Variants in LSAMP observed in about 807,000 individuals in gnomAD.
The protein encoded by LSAMP is limbic system-associated membrane protein.
Under a neutral mutation model 38.6 loss-of-function variants are expected in LSAMP, and 7 were observed. That is an observed-to-expected ratio of 0.18 (90% CI 0.10 to 0.34). The LOEUF is 0.34. LSAMP is among the 10% of genes least tolerant of loss of function. LSAMP has a pLI of 1.00. For missense variants in LSAMP, 313 were observed against 420.0 expected, an observed-to-expected ratio of 0.75 and a Z score of 2.23; for synonymous variants, 154 against 166.8, an observed-to-expected ratio of 0.92 and a Z score of 0.59.
chr3:116,291,054 C>T (rs1254307361), intron 1 of LSAMP, among the ~76,000 whole-genome samples: 2 of 152,152 alleles, frequency 1.3e-5, no homozygotes, highest in East Asian at 3.9e-4. Flanking sequence ...TTGCAAAAGA[C>T]ACCAGTCAAA....
At chr3:116,401,682 A>G (rs1346601169) in intron 1 of LSAMP, among the ~76,000 whole-genome samples, 2 of 152,136 alleles carry the variant, frequency 1.3e-5, no homozygotes, top group Non-Finnish European at 2.9e-5. Context: ...TTTTTTGCAC[A>G]GAATCGGATT....
At chr3:116,076,361 C>T (rs1376640803) in intron 2 of LSAMP, among the ~76,000 whole-genome samples, 2 of 152,018 alleles carry the variant, frequency 1.3e-5, no homozygotes, top group Non-Finnish European at 2.9e-5. Context: ...GGGTTCACAC[C>T]ATTCTCCTGC....
intron 1 of LSAMP, among the ~76,000 whole-genome samples, chr3:116,105,739 C>T (rs1016993619): frequency 1.1e-3 from 174 of 151,704 alleles, no homozygotes; most frequent in Non-Finnish European, 1.8e-3. Flanking sequence ...TGGGCATATA[C>T]GTGCAAGTCA....
chr3:115,945,392 T>C (rs974779847), intron 3 of LSAMP, among the ~76,000 whole-genome samples: 1 of 152,228 alleles, frequency 6.6e-6, no homozygotes, highest in South Asian at 2.1e-4. Context: ...CCTGGGATTA[T>C]AGGTCTGTCT....
intron 3 of LSAMP, among the ~76,000 whole-genome samples, chr3:115,964,539 T>G (rs1938734851): frequency 6.6e-6 from 1 of 152,168 alleles, no homozygotes; most frequent in African/African-American, 2.4e-5. Flanking sequence ...TGGCTGGTGT[T>G]TCCAACCAGT....
chr3:115,948,375 T>C (rs937900927), intron 3 of LSAMP, among the ~76,000 whole-genome samples: 2 of 152,110 alleles, frequency 1.3e-5, no homozygotes, highest in African/African-American at 4.8e-5. Context: ...GACCATATGA[T>C]AGGCCACAAA....
intron 1 of LSAMP, among the ~76,000 whole-genome samples, chr3:116,222,709 T>G (rs2046301367): frequency 6.8e-6 from 1 of 148,116 alleles, no homozygotes; most frequent in Admixed American, 6.7e-5. Flanking sequence ...TTGCTCACCT[T>G]TCATCCTCTC....
At chr3:116,044,296 C>T (rs1314845601) in intron 2 of LSAMP, among the ~76,000 whole-genome samples, 1 of 152,184 alleles carries the variant, frequency 6.6e-6, no homozygotes, top group Admixed American at 6.5e-5. Context: ...GATTTCACCT[C>T]GCCTTATTAA....
At chr3:115,985,554 C>A (rs1939486621) in intron 3 of LSAMP, among the ~76,000 whole-genome samples, 1 of 152,192 alleles carries the variant, frequency 6.6e-6, no homozygotes, top group South Asian at 2.1e-4. Context: ...TGTTATCCTA[C>A]AGTTGGTATG....
At chr3:116,212,236 G>A (rs1360207714) in intron 1 of LSAMP, among the ~76,000 whole-genome samples, 1 of 152,192 alleles carries the variant, frequency 6.6e-6, no homozygotes, top group East Asian at 1.9e-4. Flanking sequence ...TTGGAAAGAT[G>A]CGCAAAGTTC....
intron 1 of LSAMP, among the ~76,000 whole-genome samples, chr3:116,306,006 C>T (rs2047480831): frequency 6.6e-6 from 1 of 150,618 alleles, no homozygotes; most frequent in South Asian, 2.1e-4. Flanking sequence ...GTGCCCAGTA[C>T]ATTTCTAAGC....
chr3:116,356,633 A>G (rs1036898057), intron 1 of LSAMP, among the ~76,000 whole-genome samples: 18 of 152,260 alleles, frequency 1.2e-4, no homozygotes, highest in African/African-American at 3.9e-4. Context: ...TTAAGGTGAT[A>G]GAAAACACAT....
At chr3:116,414,293 T>C (rs2049020627) in intron 1 of LSAMP, among the ~76,000 whole-genome samples, 1 of 152,096 alleles carries the variant, frequency 6.6e-6, no homozygotes, top group Admixed American at 6.5e-5. Context: ...ACTCCTTCAG[T>C]AGCAGGTTTC....
chr3:116,069,910 T>C (rs1166020866), intron 2 of LSAMP, among the ~76,000 whole-genome samples: 1 of 152,022 alleles, frequency 6.6e-6, no homozygotes, highest in Non-Finnish European at 1.5e-5. Context: ...GATGTTACCA[T>C]TAAAGATGAA....
chr3:116,164,432 G>A lies in LSAMP; in HGVS notation c.156-77876C>T, dbSNP rs190774798. Among the ~76,000 whole-genome samples the A allele has an allele frequency of 5.7e-4, 86 of 150,228 alleles. 1 individual carries two copies. The highest frequency in any genetic ancestry group is 7.0e-3 in the Middle Eastern group (2 of 286). On this transcript the variant is annotated intron_variant, in intron 1 of 6. Coordinates refer to ENST00000490035, the MANE Select transcript of LSAMP (RefSeq NM_002338.5). ...ATTAGGTTGGTGCAAACATAATTGC[G>A]GTTTTTGCCATTAAAAGCAATGGCA...
rs1375305777 is a variant in LSAMP, at chr3:116,270,544, C to G, written c.155+174333G>C. On this transcript the variant is annotated intron_variant, in intron 1 of 6. Coordinates refer to ENST00000490035, the MANE Select transcript of LSAMP (RefSeq NM_002338.5). ...TCGGACCTTCAGCCACCAATAAGGA[C>G]TAATAATAAAATGAAACATTGGTTA... is the stretch of plus-strand genomic sequence containing the variant. Among the ~76,000 whole-genome samples the G allele has an allele frequency of 4.6e-5, 7 of 152,092 alleles. No individual in the cohort carries two copies. The East Asian group carries it at 1.3e-3, about 29-fold the overall frequency.
chr3:116,411,253 T>A (rs1254434257), intron 1 of LSAMP, among the ~76,000 whole-genome samples: 1 of 152,106 alleles, frequency 6.6e-6, no homozygotes, highest in Admixed American at 6.6e-5. Flanking sequence ...AAATACCATT[T>A]GACCCAGCCA....
chr3:116,275,364 A>C (rs1212043221), intron 1 of LSAMP, among the ~76,000 whole-genome samples: 1 of 152,078 alleles, frequency 6.6e-6, no homozygotes, highest in Non-Finnish European at 1.5e-5. Flanking sequence ...CACCGCCCAC[A>C]TTTTTGTTTT....
In LSAMP at chr3:115,804,312, T is replaced by C. The variant is rs1379797192; in HGVS notation, c.*6005A>G. ...TTCTTATTCAGAATAAAGGTTAGAGTTGAAAGAGATTTTAGAGACGTCAGC... is the reference window on the plus strand; with the variant it reads ...TTCTTATTCAGAATAAAGGTTAGAGCTGAAAGAGATTTTAGAGACGTCAGC... On this transcript the variant is annotated 3_prime_UTR_variant, in exon 7 of 7. Transcript: ENST00000490035. 1 of 151,980 alleles carries C rather than the reference T, an allele frequency of 6.6e-6. No homozygotes were observed. Among genetic ancestry groups the C allele is most frequent in the African/African-American group, 2.4e-5 (1 of 41,374 alleles). The allele number at this position is 151,980 out of a possible 1,614,324, so 9.4% of individuals were successfully genotyped here. A position where few individuals can be genotyped will look rare whatever the true frequency, so the allele number is the denominator to read the frequency against.
Sources: allele counts gnomAD v4.1 joint callset (sites outside exome capture counted in the v4.1 genomes callset), GRCh38; gene constraint gnomAD v4.1.1; transcripts MANE v1.5; gene names NCBI Gene and HGNC (gene_info 2026-07-23, HGNC 2026-07-21).